The following PTPN6 variants were observed in gnomAD, a reference collection of about 807,000 sequenced individuals.
The protein encoded by PTPN6 is tyrosine-protein phosphatase non-receptor type 6.
In PTPN6, 18 loss-of-function variants were observed where a neutral mutation model predicts 81.5. That is an observed-to-expected ratio of 0.22 (90% confidence interval 0.15 to 0.33). The LOEUF (loss-of-function observed/expected upper bound fraction) is 0.33, where lower values mean the gene tolerates loss of function less well. Among genes scored for constraint, PTPN6 ranks in the 10% least tolerant of loss-of-function variants. The pLI is 1.00. For synonymous variants in PTPN6, 301 were observed against 310.9 expected (o/e 0.97, Z 0.33); for missense variants, 500 against 794.2 (o/e 0.63, Z 4.45).
chr12:6,961,123 C>T lies in PTPN6; in HGVS notation c.*26-3C>T, dbSNP rs1946132257. The T allele has an allele frequency of 6.8e-6, 7 of 1,022,044 alleles. No homozygotes were observed. The highest frequency in any genetic ancestry group is 4.8e-5 in the African/African-American group (3 of 62,752). 63.3% of individuals were successfully genotyped at this position (1,022,044 alleles called of 1,614,324 possible). Reference sequence around the variant, plus strand: ...TCACTCCCTCACTCCCTTCTCTTGGCAGCCTCAGCCCTGACCCTGTGGAAG... The same window carrying T: ...TCACTCCCTCACTCCCTTCTCTTGGTAGCCTCAGCCCTGACCCTGTGGAAG... On this transcript the variant is annotated splice_region_variant and splice_polypyrimidine_tract_variant and intron_variant, in intron 15 of 15. Coordinates refer to ENST00000318974, the MANE Select transcript of PTPN6 (RefSeq NM_002831.6).
chr12:6,960,682 G>C lies in PTPN6; in HGVS notation c.1674-124G>C. 4 of 1,551,500 alleles carry C rather than the reference G, an allele frequency of 2.6e-6. No homozygotes were observed. The highest frequency in any genetic ancestry group is 3.5e-6 in the Non-Finnish European group (4 of 1,146,948). ...CTCTAGGAGCTTGGAGTCTAGTGCAGGGACCGTGGCTGCGTCACCTGTGAG... is the reference window on the plus strand; with the variant it reads ...CTCTAGGAGCTTGGAGTCTAGTGCACGGACCGTGGCTGCGTCACCTGTGAG... On this transcript the variant is annotated intron_variant, in intron 14 of 15. Coordinates refer to ENST00000318974, the MANE Select transcript of PTPN6 (RefSeq NM_002831.6). This position sits in a 1 kb window ranked among gnomAD's most constrained non-coding sequence, Gnocchi z 6.1.
rs1946009081 is a variant in PTPN6 at position 6,955,385 on chromosome 12, C to T, written c.647C>T (p.Thr216Met). 1.9e-6 allele frequency: 3 copies of T among 1,613,974 alleles called. No individual in the cohort carries two copies. The highest frequency in any genetic ancestry group is 2.2e-5 in the East Asian group (1 of 44,880). Residue 216 changes from threonine (T) to methionine (M), a missense_variant, in exon 6 of 16, where the codon ACG becomes ATG. By Grantham distance (81) the Thr-to-Met change is moderately conservative. Coordinates refer to ENST00000318974, the MANE Select transcript of PTPN6 (RefSeq NM_002831.6). The surrounding 1 kb of genome is among the most constrained non-coding windows in gnomAD (Gnocchi z 7.2). ...FVYLRQPYYATRVNAADIENR... is the reference protein window; with the variant it reads ...FVYLRQPYYAMRVNAADIENR... ...TCCCCACCCCAGCCGTACTATGCCA[C>T]GAGGGTGAATGCGGCTGACATTGAG...
rs1435500132 is a variant in PTPN6, at chr12:6,956,289, C to G, written c.924+68C>G. 9 of 1,609,616 alleles carry G rather than the reference C, an allele frequency of 5.6e-6. No homozygotes were observed. The highest frequency in any genetic ancestry group is 7.7e-6 in the Non-Finnish European group (9 of 1,176,118). ...GAATTCCCTGTCTGGTGGGGGGACC[C>G]TAGATCCAGAGACAGCTGGGCAAAG... On this transcript the variant is annotated intron_variant, in intron 8 of 15. Coordinates refer to ENST00000318974, the MANE Select transcript of PTPN6 (RefSeq NM_002831.6). The surrounding 1 kb of genome is among the most constrained non-coding windows in gnomAD (Gnocchi z 4.1).
In PTPN6 at chr12:6,951,939, C is replaced by T; in HGVS notation, c.132-44C>T. 6.2e-7 allele frequency: 1 copy of T among 1,602,856 alleles called. No homozygotes were observed. The highest frequency in any genetic ancestry group is 1.3e-5 in the African/African-American group (1 of 74,742). Reference sequence around the variant, plus strand: ...CCTCAGCCGATCCCTGCCCTCCTGCCTCTACTCCTGCACCGACTGGCCTCA... The same window carrying T: ...CCTCAGCCGATCCCTGCCCTCCTGCTTCTACTCCTGCACCGACTGGCCTCA... On this transcript the variant is annotated intron_variant, in intron 2 of 15. Coordinates refer to ENST00000318974, the MANE Select transcript of PTPN6 (RefSeq NM_002831.6). The surrounding 1 kb of genome is among the most constrained non-coding windows in gnomAD (Gnocchi z 7.2).
At chr12:6,953,024 A>T (rs1945955381) in intron 3 of PTPN6, 1 of 152,190 alleles carries the variant, frequency 6.6e-6, no homozygotes, top group South Asian at 2.1e-4. Context: ...TGGATCGGTT[A>T]TTGAAATGAT....
rs986737212 is a variant in PTPN6, at chr12:6,959,123, C to A, written c.1362-804C>A. On this transcript the variant is annotated intron_variant, in intron 11 of 15. Transcript: ENST00000318974. This position sits in a 1 kb window ranked among gnomAD's most constrained non-coding sequence, Gnocchi z 6.6. Reference sequence around the variant, plus strand: ...GGCAAGTCGGCTGAATCTAGAGGTGCCCCCGATGGGCTGTCCGGGGACGCG... The same window carrying A: ...GGCAAGTCGGCTGAATCTAGAGGTGACCCCGATGGGCTGTCCGGGGACGCG... Among the ~76,000 whole-genome samples, 20 of 152,232 alleles carry A rather than the reference C, an allele frequency of 1.3e-4. No homozygotes were observed. The highest frequency in any genetic ancestry group is 4.1e-4 in the African/African-American group (17 of 41,464).
chr12:6,960,015 T>TTG lies in PTPN6; in HGVS notation c.1429+21_1429+22insTG. 7.3e-7 allele frequency: 1 copy of TTG among 1,365,504 alleles called. No homozygotes were observed. Among genetic ancestry groups the TTG allele is most frequent in the Non-Finnish European group, 1.0e-6 (1 of 988,734 alleles). 84.6% of individuals were successfully genotyped at this position (1,365,504 alleles called of 1,614,324 possible). A position where few individuals can be genotyped will look rare whatever the true frequency, so the allele number is the denominator to read the frequency against. On this transcript the variant is annotated intron_variant, in intron 12 of 15. Coordinates refer to ENST00000318974, the MANE Select transcript of PTPN6 (RefSeq NM_002831.6). This position sits in a 1 kb window ranked among gnomAD's most constrained non-coding sequence, Gnocchi z 6.1. ...CAAGGGTGAGGGGCACCTGGGGGTT[T>TTG]GGGGGTGGGGGGTGAGCAGCCCCTC...
Position 6,951,904 on chromosome 12 carries a change from C to A in PTPN6, c.132-79C>A. ...TGCCCACCCATGCCCATGTGTGCCC[C>A]CACCCAGGACCTCAGCCGATCCCTG... On this transcript the variant is annotated intron_variant, in intron 2 of 15. Coordinates refer to ENST00000318974, the MANE Select transcript of PTPN6 (RefSeq NM_002831.6). This position sits in a 1 kb window ranked among gnomAD's most constrained non-coding sequence, Gnocchi z 7.2. 6.4e-7 allele frequency: 1 copy of A among 1,560,412 alleles called. No homozygotes were observed. Among genetic ancestry groups the A allele is most frequent in the Non-Finnish European group, 8.8e-7 (1 of 1,139,662 alleles).
At position 6,951,915 on chromosome 12, in the gene PTPN6, C is replaced by T; in HGVS notation, c.132-68C>T. On this transcript the variant is annotated intron_variant, in intron 2 of 15. Coordinates refer to ENST00000318974, the MANE Select transcript of PTPN6 (RefSeq NM_002831.6). This position sits in a 1 kb window ranked among gnomAD's most constrained non-coding sequence, Gnocchi z 7.2. ...GCCCATGTGTGCCCCCACCCAGGACCTCAGCCGATCCCTGCCCTCCTGCCT... is the reference window on the plus strand; with the variant it reads ...GCCCATGTGTGCCCCCACCCAGGACTTCAGCCGATCCCTGCCCTCCTGCCT... The T allele has an allele frequency of 6.3e-7, 1 of 1,576,730 alleles. No individual in the cohort carries two copies.
chr12:6,949,495 C>T (rs1286156178), upstream of PTPN6, among the ~76,000 whole-genome samples: 3 of 152,202 alleles, frequency 2.0e-5, no homozygotes, highest in Admixed American at 6.5e-5. Flanking sequence ...ACCCACCTTC[C>T]TACTCACTAG....
At chr12:6,958,140 T>A (rs372305164) in intron 11 of PTPN6, 67 bp downstream of exon 11, 10 of 1,585,348 alleles carry the variant, frequency 6.3e-6, no homozygotes, top group East Asian at 2.2e-5. Flanking sequence ...TGCCATGAGC[T>A]GTTATAAGCA....
chr12:6,960,266 G>C lies in PTPN6; in HGVS notation c.1581+27G>C, dbSNP rs202069804. 29 of 1,607,166 alleles carry C rather than the reference G, an allele frequency of 1.8e-5. 1 individual carries two copies. Among genetic ancestry groups the C allele is most frequent in the South Asian group, 1.3e-4 (12 of 90,816 alleles). Reference sequence around the variant, plus strand: ...TGCGTGCAGAGCAGGGCCTGGGGGGGGGGGGGGCTGCAGTGCAGGATGGGT... The same window carrying C: ...TGCGTGCAGAGCAGGGCCTGGGGGGCGGGGGGGCTGCAGTGCAGGATGGGT... On this transcript the variant is annotated intron_variant, in intron 13 of 15. Transcript: ENST00000318974. This position sits in a 1 kb window ranked among gnomAD's most constrained non-coding sequence, Gnocchi z 6.1.
At chr12:6,951,267 C>G (rs1291611716), upstream of PTPN6, 6 of 1,444,492 alleles carry the variant, frequency 4.2e-6, no homozygotes, top group African/African-American at 1.4e-5. This position sits in a 1 kb window ranked among gnomAD's most constrained non-coding sequence, Gnocchi z 7.2. Context: ...TCTTCCCTTG[C>G]TGTGCTCTAA....
Position 6,951,534 on chromosome 12 carries a change from A to G in PTPN6, c.8+14A>G. 6.2e-7 allele frequency: 1 copy of G among 1,613,816 alleles called. No individual in the cohort carries two copies. The highest frequency in any genetic ancestry group is 8.5e-7 in the Non-Finnish European group (1 of 1,179,914). The stretch of plus-strand genomic sequence containing the variant: ...CAGGATGGTGAGGTAAGGGCCTGCC[A>G]CCCACGGTAGACAGGAGGCAAGGGT... On this transcript the variant is annotated intron_variant, in intron 1 of 15. Coordinates refer to ENST00000318974, the MANE Select transcript of PTPN6 (RefSeq NM_002831.6). The surrounding 1 kb of genome is among the most constrained non-coding windows in gnomAD (Gnocchi z 7.2).
In PTPN6 at chr12:6,955,554, C is replaced by T; in HGVS notation, c.747+69C>T. 9 of 1,563,928 alleles carry T rather than the reference C, an allele frequency of 5.8e-6. No individual in the cohort carries two copies. Among genetic ancestry groups the T allele is most frequent in the Non-Finnish European group, 7.9e-6 (9 of 1,135,546 alleles). Reference sequence around the variant, plus strand: ...GCAGCGGCCTGGGGCCCCAGGCGGACACCTTCCCCTCCTTGCCCACCTCTG... The same window carrying T: ...GCAGCGGCCTGGGGCCCCAGGCGGATACCTTCCCCTCCTTGCCCACCTCTG... On this transcript the variant is annotated intron_variant, in intron 6 of 15. Coordinates refer to ENST00000318974, the MANE Select transcript of PTPN6 (RefSeq NM_002831.6). The surrounding 1 kb of genome is among the most constrained non-coding windows in gnomAD (Gnocchi z 7.2).
Position 6,958,053 on chromosome 12 carries a change from G to A in PTPN6, c.1341G>A (p.Gly447=), listed in dbSNP as rs782259768. ...GGCAGGAAAGTCTGCCTCACGCAGGGCCCATCATCGTGCACTGCAGGTGAG... is the reference window on the plus strand; with the variant it reads ...GGCAGGAAAGTCTGCCTCACGCAGGACCCATCATCGTGCACTGCAGGTGAG... The part of the protein sequence containing the change: ...NQRQESLPHA[G]PIIVHCSAGI... The change falls in exon 11 of 16, where the codon GGG becomes GGA. Residue 447 remains glycine, a synonymous_variant. Transcript: ENST00000318974. The A allele has an allele frequency of 6.2e-7, 1 of 1,612,208 alleles. No homozygotes were observed. Among genetic ancestry groups the A allele is most frequent in the South Asian group, 1.1e-5 (1 of 91,090 alleles).
chr12:6,954,677 T>C lies in PTPN6; in HGVS notation c.327-128T>C. On this transcript the variant is annotated intron_variant, in intron 3 of 15. Transcript: ENST00000318974. This position sits in a 1 kb window ranked among gnomAD's most constrained non-coding sequence, Gnocchi z 5.4. ...AGAGACCTAAATGAGGTGGTGGATT[T>C]GGAAGCATGTAGCGCAGTGCCTGGC... 6.8e-6 allele frequency: 6 copies of C among 884,390 alleles called. No homozygotes were observed. 54.8% of individuals were successfully genotyped at this position (884,390 alleles called of 1,614,324 possible). A position where few individuals can be genotyped will look rare whatever the true frequency, so the allele number is the denominator to read the frequency against.
At position 6,955,848 on chromosome 12, in the gene PTPN6, A is replaced by C. The variant is rs1946020000; in HGVS notation, c.844+92A>C. The C allele has an allele frequency of 3.8e-5, 47 of 1,223,786 alleles. No individual in the cohort carries two copies. The highest frequency in any genetic ancestry group is 5.6e-5 in the Non-Finnish European group (47 of 835,156). The allele number at this position is 1,223,786 out of a possible 1,614,324, so 75.8% of individuals were successfully genotyped here. A position where few individuals can be genotyped will look rare whatever the true frequency, so the allele number is the denominator to read the frequency against. ...ACAGGTCTCCACCCTCCACGCCAGGAGGGGCCATCTCCCCACACCCCCCAC... is the reference window on the plus strand; with the variant it reads ...ACAGGTCTCCACCCTCCACGCCAGGCGGGGCCATCTCCCCACACCCCCCAC... On this transcript the variant is annotated intron_variant, in intron 7 of 15. Transcript: ENST00000318974. The surrounding 1 kb of genome is among the most constrained non-coding windows in gnomAD (Gnocchi z 7.2).
chr12:6,946,850 C>T (rs2138246923), upstream of PTPN6: 1 of 1,234,454 alleles, frequency 8.1e-7, no homozygotes, highest in Non-Finnish European at 1.2e-6. Flanking sequence ...TCTGCCGCTG[C>T]CCTGCGCCTG....
Sources: gnomAD v4.1 joint callset for allele counts (sites outside exome capture counted in the v4.1 genomes callset) on GRCh38, gnomAD v4.1.1 for gene constraint, Gnocchi (gnomAD v3.1) non-coding constraint, MANE v1.5 for transcripts, NCBI Gene and HGNC (gene_info 2026-07-23, HGNC 2026-07-21) for gene names.